RARB: variants seen among roughly 807,000 people sequenced by gnomAD.
The protein encoded by RARB is retinoic acid receptor beta.
In RARB, 17 loss-of-function variants were observed where a neutral mutation model predicts 51.9. That is an observed-to-expected ratio of 0.33 (90% CI 0.22 to 0.49). The LOEUF (loss-of-function observed/expected upper bound fraction) is 0.49, where lower values mean the gene tolerates loss of function less well. Among genes scored for constraint, RARB ranks in the 20% least tolerant of loss-of-function variants. The probability of loss-of-function intolerance (pLI) is 0.99; values close to 1 mark genes in which losing one functional copy is unlikely to be tolerated. For missense variants in RARB, 369 were observed against 550.8 expected (o/e 0.67, Z 3.30); for synonymous variants, 215 against 195.4 (o/e 1.10, Z -0.84).
intron 5 of RARB, among the ~76,000 whole-genome samples, chr3:25,218,261 C>G (rs1701875984): frequency 6.6e-6 from 1 of 152,176 alleles, no homozygotes; most frequent in South Asian, 2.1e-4. Flanking sequence ...GGCACTGTTT[C>G]AGGAATGTGA....
At chr3:24,929,338 T>G (rs1290078143) in intron 2 of RARB, among the ~76,000 whole-genome samples, 1 of 152,046 alleles carries the variant, frequency 6.6e-6, no homozygotes, top group East Asian at 1.9e-4. Flanking sequence ...CACTAGCTAT[T>G]CTTATGGATA....
chr3:25,439,806 G>A (rs1241062118), intron 1 of RARB, among the ~76,000 whole-genome samples: 1 of 152,162 alleles, frequency 6.6e-6, no homozygotes, highest in Non-Finnish European at 1.5e-5. Context: ...ATATTTTGAG[G>A]AAAAAGAGAC....
At chr3:24,964,449 T>C (rs193184881) in intron 2 of RARB, among the ~76,000 whole-genome samples, 37 of 152,318 alleles carry the variant, frequency 2.4e-4, no homozygotes, top group African/African-American at 8.4e-4. Context: ...TTTCAAGACC[T>C]GGTTGCCTAA....
chr3:25,309,091 T>A (rs1199550887), intron 5 of RARB, among the ~76,000 whole-genome samples: 2 of 152,050 alleles, frequency 1.3e-5, no homozygotes. Context: ...TTTCTCTTTT[T>A]TCCTGTCCCC....
At chr3:25,065,320 G>A (rs1297059295) in intron 3 of RARB, among the ~76,000 whole-genome samples, 2 of 152,084 alleles carry the variant, frequency 1.3e-5, no homozygotes, top group Admixed American at 6.5e-5. Context: ...AAATACAAGT[G>A]TTAAAAAACT....
At chr3:25,050,198 G>A (rs113943293) in intron 2 of RARB, among the ~76,000 whole-genome samples, 16 of 152,096 alleles carry the variant, frequency 1.1e-4, no homozygotes, top group East Asian at 1.9e-4. Context: ...ACTATGCAAC[G>A]GTCAAACCTA....
intron 2 of RARB, among the ~76,000 whole-genome samples, chr3:24,927,422 C>G (rs941873288): frequency 6.6e-6 from 1 of 151,994 alleles, no homozygotes; most frequent in African/African-American, 2.4e-5. Flanking sequence ...CTGTAACTCA[C>G]GTGGTTTCTG....
At chr3:25,306,542 A>G (rs951409401) in intron 5 of RARB, among the ~76,000 whole-genome samples, 3 of 151,768 alleles carry the variant, frequency 2.0e-5, no homozygotes, top group Admixed American at 6.6e-5. Context: ...AGAAGAAAGG[A>G]GGAAAGAAAG....
At chr3:25,211,457 C>A (rs1210599655) in intron 5 of RARB, among the ~76,000 whole-genome samples, 1 of 152,046 alleles carries the variant, frequency 6.6e-6, no homozygotes, top group Non-Finnish European at 1.5e-5. Context: ...GTATGTTTTG[C>A]AATATATTGC....
chr3:25,035,421 CTTTTT>C (rs140970899), intron 2 of RARB, among the ~76,000 whole-genome samples: 12,720 of 120,366 alleles, frequency 0.11, 557 homozygotes, highest in South Asian at 0.21. Flanking sequence ...TGCGTCCAGC[CTTTTT>C]TTTTTTTTTT....
intron 2 of RARB, among the ~76,000 whole-genome samples, chr3:25,013,266 C>T (rs577598665): frequency 3.3e-5 from 5 of 152,216 alleles, no homozygotes; most frequent in African/African-American, 9.6e-5. Flanking sequence ...AATCTCAGAG[C>T]TATCTCAGAC....
rs1399651419 is a variant in RARB, at chr3:24,839,718, AAGGGG to A, written c.-459+10316_-459+10320del. ...GACGCTGTCTCAAAAAAAAAAAAAA[AAGGGG>A]GGGGGGGTGGGGGAAGAAACAGTTT... On this transcript the variant is annotated intron_variant, in intron 1 of 11. Coordinates refer to the RARB transcript ENST00000383772. Among the ~76,000 whole-genome samples, 4 of 66,536 alleles carry A rather than the reference AAGGGG, an allele frequency of 6.0e-5. No homozygotes were observed. The East Asian group carries it at 1.5e-3, about 25-fold the overall frequency. The allele number at this position is 66,536 out of a possible 152,430, so 43.7% of individuals were successfully genotyped here.
chr3:25,324,991 G>A (rs898830738), intron 5 of RARB, among the ~76,000 whole-genome samples: 4 of 152,196 alleles, frequency 2.6e-5, no homozygotes, highest in Non-Finnish European at 4.4e-5. Context: ...TAAAGTGAAA[G>A]CAAGTTTATT....
chr3:24,886,617 AT>A (rs1703271851), intron 2 of RARB, among the ~76,000 whole-genome samples: 1 of 151,654 alleles, frequency 6.6e-6, no homozygotes, highest in African/African-American at 2.4e-5. Context: ...GCTAATTTTA[AT>A]TTTTGTAGAG....
intron 2 of RARB, among the ~76,000 whole-genome samples, chr3:25,053,821 A>G (rs1019251201): frequency 6.6e-6 from 1 of 152,178 alleles, no homozygotes; most frequent in Admixed American, 6.5e-5. Flanking sequence ...GAGGAAGGCT[A>G]TCATCTCTCT....
intron 5 of RARB, among the ~76,000 whole-genome samples, chr3:25,207,875 C>T (rs1037772657): frequency 6.6e-6 from 1 of 152,152 alleles, no homozygotes; most frequent in African/African-American, 2.4e-5. Flanking sequence ...ATTTAATTGG[C>T]TCACAGTTCC....
intron 1 of RARB, among the ~76,000 whole-genome samples, chr3:25,432,452 A>C (rs964225154): frequency 5.9e-5 from 9 of 152,204 alleles, no homozygotes; most frequent in Non-Finnish European, 4.4e-5. Flanking sequence ...CCTTGCATTG[A>C]AGCAGGTCTT....
At chr3:25,287,101 A>G (rs1703675215) in intron 5 of RARB, among the ~76,000 whole-genome samples, 4 of 152,226 alleles carry the variant, frequency 2.6e-5, no homozygotes, top group African/African-American at 9.6e-5. Flanking sequence ...TACACCACAT[A>G]AACTAATTCA....
At chr3:25,336,965 G>A (rs901077364) in intron 5 of RARB, among the ~76,000 whole-genome samples, 1 of 152,142 alleles carries the variant, frequency 6.6e-6, no homozygotes, top group African/African-American at 2.4e-5. Flanking sequence ...GGCAGAGTGT[G>A]TGGACGAGTT....
Sources: gnomAD v4.1 joint callset for allele counts (sites outside exome capture counted in the v4.1 genomes callset) on GRCh38, gnomAD v4.1.1 for gene constraint, MANE v1.5 for transcripts, NCBI Gene and HGNC (gene_info 2026-07-23, HGNC 2026-07-21) for gene names.